Variants in KANK1 observed in about 807,000 individuals in gnomAD.
KANK1 encodes KN motif and ankyrin repeat domain-containing protein 1.
Under a neutral mutation model 106.2 loss-of-function variants are expected in KANK1, and 109 were observed. That is an observed-to-expected ratio of 1.03 (90% CI 0.88 to 1.20). KANK1 has a LOEUF of 1.20. KANK1 is among the 50% of genes most tolerant of loss of function. The pLI is 0.00. For missense variants in KANK1, 2,399 were observed against 1,710.7 expected, an observed-to-expected ratio of 1.40 and a Z score of -7.10; for synonymous variants, 873 against 652.2, an observed-to-expected ratio of 1.34 and a Z score of -5.16.
intron 1 of KANK1, among the ~76,000 whole-genome samples, chr9:531,991 A>G (rs1428869311): frequency 6.6e-6 from 1 of 152,160 alleles, no homozygotes; most frequent in Non-Finnish European, 1.5e-5. Context: ...AATTTCAACA[A>G]CTTGTTTTTT....
chr9:683,161 A>C (rs1180199302), intron 2 of KANK1, among the ~76,000 whole-genome samples: 1 of 152,118 alleles, frequency 6.6e-6, no homozygotes. Context: ...CATTACCCCG[A>C]AGGCAGAGAG....
chr9:485,080 T>C (rs1268318537), intron 3 of KANK1, among the ~76,000 whole-genome samples: 3 of 152,246 alleles, frequency 2.0e-5, no homozygotes, highest in Non-Finnish European at 4.4e-5. Context: ...ACAGCATTCA[T>C]TCACCTGATT....
chr9:698,800 A>G (rs1378830593), intron 2 of KANK1, among the ~76,000 whole-genome samples: 1 of 152,216 alleles, frequency 6.6e-6, no homozygotes, highest in East Asian at 1.9e-4. Flanking sequence ...TGAATAATCC[A>G]TGGAAACCCT....
intron 1 of KANK1, among the ~76,000 whole-genome samples, chr9:521,376 G>A (rs1479282723): frequency 6.6e-6 from 1 of 151,382 alleles, no homozygotes; most frequent in Non-Finnish European, 1.5e-5. Context: ...CTTCTGCTTG[G>A]TTGACTTTTA....
intron 3 of KANK1, among the ~76,000 whole-genome samples, chr9:721,181 C>G (rs1391275778): frequency 6.6e-6 from 1 of 152,162 alleles, no homozygotes; most frequent in Non-Finnish European, 1.5e-5. Context: ...CTTGGAAAAA[C>G]TGACCTCCCT....
intron 1 of KANK1, among the ~76,000 whole-genome samples, chr9:631,046 A>G (rs879510267): frequency 1.3e-5 from 2 of 152,176 alleles, no homozygotes; most frequent in Non-Finnish European, 2.9e-5. Context: ...TGGTTGGTAG[A>G]AATATGTATC....
intron 1 of KANK1, among the ~76,000 whole-genome samples, chr9:571,860 T>G (rs2134867551): frequency 6.6e-6 from 1 of 152,306 alleles, no homozygotes; most frequent in Admixed American, 6.5e-5. Flanking sequence ...AGGAAAATTC[T>G]TATGTATTTG....
rs186909603 is a variant in KANK1 at position 543,411 on chromosome 9, T to C, written c.-84+38657T>C. ...TGTCTATTAAAACTACAAAAAAAAA[T>C]AGCTGTGCATGGTAACGGGCGCTTG... On this transcript the variant is annotated intron_variant, in intron 1 of 11. Coordinates refer to ENST00000382297, the MANE Select transcript of KANK1 (RefSeq NM_015158.5). Among the ~76,000 whole-genome samples, 492 of 151,554 alleles carry C rather than the reference T, an allele frequency of 3.2e-3. 1 individual carries two copies. The highest frequency in any genetic ancestry group is 0.012 in the African/African-American group (479 of 41,328).
At chr9:666,135 T>G (rs939243832) in intron 1 of KANK1, among the ~76,000 whole-genome samples, 4 of 152,094 alleles carry the variant, frequency 2.6e-5, no homozygotes, top group Non-Finnish European at 5.9e-5. Flanking sequence ...GCTCACTGCA[T>G]TGGTGACAGA....
intron 1 of KANK1, among the ~76,000 whole-genome samples, chr9:616,909 C>G (rs1831973711): frequency 6.6e-6 from 1 of 152,168 alleles, no homozygotes; most frequent in South Asian, 2.1e-4. Context: ...TTGGTTAAAG[C>G]AAGTCACAAT....
intron 1 of KANK1, among the ~76,000 whole-genome samples, chr9:558,505 G>C (rs540754615): frequency 6.6e-6 from 1 of 152,258 alleles, no homozygotes; most frequent in Admixed American, 6.5e-5. Context: ...ATACATTGTT[G>C]ATTCATTAAC....
intron 1 of KANK1, among the ~76,000 whole-genome samples, chr9:632,948 C>T (rs918604429): frequency 1.3e-5 from 2 of 152,110 alleles, no homozygotes; most frequent in Admixed American, 1.3e-4. Context: ...CCTGCCTCAG[C>T]CTCCCAAAGT....
chr9:536,253 A>G (rs1054920659), intron 1 of KANK1, among the ~76,000 whole-genome samples: 2 of 152,186 alleles, frequency 1.3e-5, no homozygotes, highest in African/African-American at 4.8e-5. Context: ...AGGCAAGAGA[A>G]TCACTTGAAA....
chr9:661,624 C>T (rs900612262), intron 1 of KANK1, among the ~76,000 whole-genome samples: 2 of 151,952 alleles, frequency 1.3e-5, no homozygotes, highest in African/African-American at 4.8e-5. Context: ...ATTTATAATC[C>T]TTTGGGTATA....
At chr9:643,177 C>T (rs1328361777) in intron 1 of KANK1, among the ~76,000 whole-genome samples, 1 of 150,774 alleles carries the variant, frequency 6.6e-6, no homozygotes, top group Non-Finnish European at 1.5e-5. Flanking sequence ...TCATTCATCT[C>T]CATCTTCCTT....
intron 1 of KANK1, among the ~76,000 whole-genome samples, chr9:648,732 T>A (rs7856915): frequency 0.18 from 26,656 of 152,044 alleles, 2,671 homozygotes; most frequent in East Asian, 0.32. Context: ...GGGGAGAGTA[T>A]CTCATGAAGC....
upstream of KANK1, among the ~76,000 whole-genome samples, chr9:502,218 A>G (rs1219201900): frequency 4.5e-5 from 5 of 112,128 alleles, no homozygotes; most frequent in East Asian, 1.3e-3. Flanking sequence ...ACTAATGGGT[A>G]TGGGGTTTCT....
At chr9:634,077 T>C (rs777620261) in intron 1 of KANK1, among the ~76,000 whole-genome samples, 2 of 152,234 alleles carry the variant, frequency 1.3e-5, no homozygotes, top group Non-Finnish European at 2.9e-5. Context: ...AATTGCCCAA[T>C]TGCACACACA....
chr9:512,258 TAC>T (rs1289173199), intron 1 of KANK1, among the ~76,000 whole-genome samples: 2 of 151,796 alleles, frequency 1.3e-5, no homozygotes, highest in African/African-American at 2.4e-5. Flanking sequence ...TGTATGTATA[TAC>T]ACACACACAA....
Sources: allele counts gnomAD v4.1 joint callset (sites outside exome capture counted in the v4.1 genomes callset), GRCh38; gene constraint gnomAD v4.1.1; transcripts MANE v1.5; gene names NCBI Gene and HGNC (gene_info 2026-07-23, HGNC 2026-07-21).